Variants in MFSD8 observed in about 807,000 individuals in gnomAD.
MFSD8 encodes major facilitator superfamily domain containing 8, also known as major facilitator superfamily domain-containing protein 8.
A neutral mutation model predicts 66.4 loss-of-function variants in MFSD8; 55 were observed. The ratio of observed to expected loss-of-function variants is 0.83; its 90% confidence interval spans 0.67 to 1.04. The LOEUF is 1.04. Ranked by LOEUF, MFSD8 falls within the 50% of genes least tolerant of loss-of-function variation. The probability of loss-of-function intolerance (pLI) is 0.00; values close to 1 mark genes in which losing one functional copy is unlikely to be tolerated. For missense variants in MFSD8, 550 were observed against 627.6 expected (o/e 0.88, Z 1.32); for synonymous variants, 202 against 212.8 (o/e 0.95, Z 0.44).
intron 1 of MFSD8, among the ~76,000 whole-genome samples, chr4:127,958,654 C>T (rs1743267609): frequency 6.6e-6 from 1 of 151,904 alleles, no homozygotes; most frequent in Non-Finnish European, 1.5e-5. Flanking sequence ...AATAATGTAG[C>T]TTACCTGAGA....
At chr4:127,933,200 T>TA (rs1326420021) in intron 7 of MFSD8, 107 bp from the exon 8 acceptor site, 3 of 914,516 alleles carry the variant, frequency 3.3e-6, no homozygotes, top group Admixed American at 2.5e-5. Flanking sequence ...AATAAACATT[T>TA]AAAAAAATTT....
Position 127,947,849 on chromosome 4 carries a change from CAT to C in MFSD8, c.198+1953_198+1954del, listed in dbSNP as rs577873517. Among the ~76,000 whole-genome samples the C allele has an allele frequency of 1.3e-3, 194 of 144,944 alleles. 2 individuals are homozygous for C. Among genetic ancestry groups the C allele is most frequent in the Middle Eastern group, 3.5e-3 (1 of 288 alleles). On this transcript the variant is annotated intron_variant, in intron 3 of 11. Coordinates refer to ENST00000641686, the MANE Select transcript of MFSD8 (RefSeq NM_001371596.2). ...AGTTCAGAATCTAGGATAAAACACA[CAT>C]ATGCACGTGTGAACACACACACACA...
At chr4:127,937,022 C>G (rs901271495) in intron 7 of MFSD8, among the ~76,000 whole-genome samples, 1 of 152,192 alleles carries the variant, frequency 6.6e-6, no homozygotes, top group African/African-American at 2.4e-5. Flanking sequence ...ATACGCACTG[C>G]TGGCACTTCA....
At chr4:127,922,037 A>G (rs1213563787) in intron 9 of MFSD8, 74 bp from the exon 10 acceptor site, 12 of 1,279,650 alleles carry the variant, frequency 9.4e-6, no homozygotes, top group Non-Finnish European at 1.2e-5. Context: ...CATAATTTTA[A>G]AAACTAAAAA....
At chr4:127,950,904 T>A (rs1223344274) in intron 2 of MFSD8, among the ~76,000 whole-genome samples, 1 of 148,928 alleles carries the variant, frequency 6.7e-6, no homozygotes, top group East Asian at 2.0e-4. Flanking sequence ...AAAAAAAAAA[T>A]ACAAAAATTA....
intron 1 of MFSD8, among the ~76,000 whole-genome samples, chr4:127,964,508 GC>G (rs1364645141): frequency 6.6e-6 from 1 of 152,244 alleles, no homozygotes; most frequent in African/African-American, 2.4e-5. Flanking sequence ...CCCGGGGCCG[GC>G]AGGGCCGGCC....
intron 8 of MFSD8, chr4:127,932,771 TA>T (rs1478225376): frequency 2.3e-6 from 1 of 442,218 alleles, no homozygotes; most frequent in African/African-American, 2.0e-5. Context: ...GATTCTTTTA[TA>T]AGAAAATAAG....
chr4:127,958,396 T>G (rs1743229441), intron 1 of MFSD8, among the ~76,000 whole-genome samples: 1 of 152,154 alleles, frequency 6.6e-6, no homozygotes, highest in African/African-American at 2.4e-5. Context: ...CCTTCTTATG[T>G]TCCAAGATTA....
chr4:127,950,773 TG>T (rs1319035887), intron 2 of MFSD8, among the ~76,000 whole-genome samples: 2 of 151,776 alleles, frequency 1.3e-5, no homozygotes, highest in Non-Finnish European at 2.9e-5. Context: ...ATGGCTTTAC[TG>T]AGGCTGGGCA....
intron 1 of MFSD8, 57 bp downstream of exon 1, chr4:127,965,015 G>C (rs1744790100): frequency 6.3e-7 from 1 of 1,592,572 alleles, no homozygotes; most frequent in African/African-American, 1.3e-5. Context: ...CGCCCGGAAA[G>C]GAACCAGTCC....
intron 7 of MFSD8, among the ~76,000 whole-genome samples, chr4:127,937,940 C>T (rs941391616): frequency 2.0e-5 from 3 of 151,886 alleles, no homozygotes; most frequent in Admixed American, 6.6e-5. Context: ...GCATTCTTTC[C>T]GCAAGGAGGA....
intron 1 of MFSD8, among the ~76,000 whole-genome samples, chr4:127,959,522 C>T (rs985230650): frequency 3.3e-5 from 5 of 151,926 alleles, no homozygotes; most frequent in Non-Finnish European, 5.9e-5. Context: ...GATGGAGTTG[C>T]GTAAAAGAAT....
chr4:127,932,905 C>T, intron 8 of MFSD8, 80 bp downstream of exon 8: 1 of 1,293,242 alleles, frequency 7.7e-7, no homozygotes. Flanking sequence ...TCAATAACAT[C>T]TATATGCCTA....
At position 127,965,071 on chromosome 4, in the gene MFSD8, C is replaced by T. The variant is rs1744816633; in HGVS notation, c.62+1G>A. The T allele has an allele frequency of 5.6e-6, 9 of 1,613,662 alleles. No homozygotes were observed. The highest frequency in any genetic ancestry group is 7.6e-6 in the Non-Finnish European group (9 of 1,179,894). ...GGGTCCCTCCACCAGGATCCGCTCA[C>T]CTGCTTCCAGGTGTGTCGCCTAAGA... On this transcript the variant is annotated splice_donor_variant, in intron 1 of 11. Coordinates refer to ENST00000641686, the MANE Select transcript of MFSD8 (RefSeq NM_001371596.2). LOFTEE classifies it high-confidence loss of function.
upstream of MFSD8, chr4:127,965,507 T>C (rs191689867): frequency 2.7e-5 from 10 of 364,628 alleles, no homozygotes; most frequent in South Asian, 1.3e-4. Flanking sequence ...GGAGCTGCGA[T>C]TGGGGCTGGG....
At chr4:127,920,873 T>C (rs1248454303) in intron 11 of MFSD8, 37 bp from the exon 12 acceptor site, 1 of 1,591,442 alleles carries the variant, frequency 6.3e-7, no homozygotes, top group Non-Finnish European at 8.6e-7. Flanking sequence ...CAGATTGATA[T>C]TGGGGTTTAG....
At chr4:127,958,486 G>A (rs1407647096) in intron 1 of MFSD8, among the ~76,000 whole-genome samples, 1 of 151,944 alleles carries the variant, frequency 6.6e-6, no homozygotes, top group Admixed American at 6.6e-5. Context: ...GATATGGTTG[G>A]GAGTGGTAAA....
intron 7 of MFSD8, among the ~76,000 whole-genome samples, chr4:127,935,750 C>T (rs1244185946): frequency 3.3e-5 from 5 of 152,132 alleles, no homozygotes; most frequent in African/African-American, 1.2e-4. Flanking sequence ...ATACAGTGGC[C>T]ACTAGCCACA....
chr4:127,948,925 G>A (rs915692337), intron 3 of MFSD8, among the ~76,000 whole-genome samples: 1 of 152,094 alleles, frequency 6.6e-6, no homozygotes, highest in Non-Finnish European at 1.5e-5. Flanking sequence ...TAAATTATCT[G>A]GTTTAGGGTA....
Sources: gnomAD v4.1 joint callset for allele counts (sites outside exome capture counted in the v4.1 genomes callset) on GRCh38, gnomAD v4.1.1 for gene constraint, MANE v1.5 for transcripts, NCBI Gene and HGNC (gene_info 2026-07-23, HGNC 2026-07-21) for gene names.